The following CAPN9 variants were observed in gnomAD, a reference collection of about 807,000 sequenced individuals.
The protein encoded by CAPN9 is calpain 9.
In CAPN9, 81 loss-of-function variants were observed where a neutral mutation model predicts 92.8. That is an observed-to-expected ratio of 0.87 (90% CI 0.73 to 1.05). The LOEUF (loss-of-function observed/expected upper bound fraction) is 1.05. Among genes scored for constraint, CAPN9 ranks in the 50% least tolerant of loss-of-function variants. The pLI is 0.00. For synonymous variants in CAPN9, 304 were observed against 328.0 expected (o/e 0.93, Z 0.79); for missense variants, 848 against 866.2 (o/e 0.98, Z 0.26).
At chr1:230,755,449 C>T in intron 2 of CAPN9, 43 bp downstream of exon 2, 1 of 1,503,916 alleles carries the variant, frequency 6.6e-7, no homozygotes, top group Non-Finnish European at 9.1e-7. Flanking sequence ...GAGGTTGAGT[C>T]ACTGGGACAG....
intron 2 of CAPN9, among the ~76,000 whole-genome samples, chr1:230,758,586 G>A (rs1029101349): frequency 1.3e-5 from 2 of 152,140 alleles, no homozygotes; most frequent in African/African-American, 4.8e-5. Flanking sequence ...CAGCCCTGGC[G>A]AGTCTCTCTT....
chr1:230,778,903 A>C, intron 8 of CAPN9, 70 bp from the exon 9 acceptor site: 1 of 1,316,382 alleles, frequency 7.6e-7, no homozygotes, highest in East Asian at 2.4e-5. Flanking sequence ...GAATGATTTA[A>C]TGAATGAGTG....
intron 1 of CAPN9, among the ~76,000 whole-genome samples, chr1:230,749,434 G>A (rs183933693): frequency 1.3e-5 from 2 of 152,332 alleles, no homozygotes; most frequent in African/African-American, 4.8e-5. Context: ...GCTTATTTCC[G>A]GCCTCGGCGC....
intron 12 of CAPN9, among the ~76,000 whole-genome samples, chr1:230,787,086 C>G (rs1221910426): frequency 6.6e-6 from 1 of 152,340 alleles, no homozygotes; most frequent in Admixed American, 6.5e-5. Flanking sequence ...ATTTACTGAG[C>G]TCTTTCTATA....
At chr1:230,767,417 C>T (rs1666058777) in intron 4 of CAPN9, 124 bp from the exon 5 acceptor site, 2 of 755,426 alleles carry the variant, frequency 2.6e-6, no homozygotes, top group East Asian at 2.7e-5. Flanking sequence ...TCCTTCCACA[C>T]CACCCAGCCA....
intron 3 of CAPN9, 145 bp from the exon 4 acceptor site, chr1:230,762,508 C>A: frequency 1.1e-6 from 1 of 897,872 alleles, no homozygotes; most frequent in Non-Finnish European, 1.7e-6. Context: ...GGTGCCCTAC[C>A]TTGGAACCCG....
At chr1:230,769,390 T>C in intron 6 of CAPN9, 127 bp downstream of exon 6, 2 of 666,602 alleles carry the variant, frequency 3.0e-6, no homozygotes, top group Non-Finnish European at 5.0e-6. Context: ...TTATGTCACC[T>C]AAAGAGGCAG....
intron 8 of CAPN9, among the ~76,000 whole-genome samples, chr1:230,777,790 G>A (rs1433341797): frequency 3.9e-5 from 6 of 152,016 alleles, no homozygotes; most frequent in African/African-American, 9.7e-5. Flanking sequence ...GGGACCACAC[G>A]CCCTGGTGGT....
At chr1:230,761,555 A>AACACACACACACACACACAC (rs147168033) in intron 3 of CAPN9, among the ~76,000 whole-genome samples, 161 of 150,620 alleles carry the variant, frequency 1.1e-3, no homozygotes, top group African/African-American at 3.6e-3. Flanking sequence ...TCTTCCTTAA[A>AACACACACACACACACACAC]ACACACACAC....
intron 19 of CAPN9, among the ~76,000 whole-genome samples, chr1:230,799,469 G>C (rs1668544501): frequency 6.6e-6 from 1 of 152,154 alleles, no homozygotes; most frequent in South Asian, 2.1e-4. Flanking sequence ...ATTTCATTGA[G>C]CCAATTACGT....
chr1:230,774,779 T>C (rs1192558001), intron 8 of CAPN9, 148 bp downstream of exon 8: 18 of 617,490 alleles, frequency 2.9e-5, no homozygotes, highest in Middle Eastern at 4.3e-4. Context: ...TTTGTTCTTA[T>C]TGCCCAGGCT....
In CAPN9 at chr1:230,772,026, G is replaced by A. The variant is rs772083829; in HGVS notation, c.802G>A (p.Gly268Ser). The change falls in exon 7 of 20, where the codon GGC (glycine) becomes AGC (serine). Residue 268 changes from glycine to serine, a missense_variant. By Grantham distance (56) the Gly-to-Ser change is moderately conservative. Transcript: ENST00000271971. ...VTGIDQVSFR[G>S]QRIELIRIRN... ...TTTTCCCTTCTAGGTAAGCTTCCGA[G>A]GCCAGAGAATCGAGCTCATCCGAAT... The A allele has an allele frequency of 6.2e-6, 10 of 1,614,040 alleles. No homozygotes were observed. The African/African-American group carries it at 1.1e-4, about 17-fold the overall frequency.
intron 1 of CAPN9, chr1:230,752,645 C>T (rs1226301995): frequency 9.3e-5 from 92 of 984,514 alleles, no homozygotes; most frequent in Non-Finnish European, 1.1e-4. Flanking sequence ...GGGAACAGCC[C>T]TGCCCCAGGA....
intron 3 of CAPN9, among the ~76,000 whole-genome samples, chr1:230,761,919 T>C (rs1024341630): frequency 6.6e-6 from 1 of 152,184 alleles, no homozygotes; most frequent in African/African-American, 2.4e-5. Flanking sequence ...GTAGAAGCAC[T>C]TGCAAACACA....
intron 7 of CAPN9, 35 bp downstream of exon 7, chr1:230,772,134 CCGGGG>C (rs762036590): frequency 6.3e-7 from 1 of 1,576,456 alleles, no homozygotes; most frequent in South Asian, 1.1e-5. Flanking sequence ...TGGCTGGTTC[CCGGGG>C]CGTGTGGGGC....
chr1:230,789,103 C>G (rs1667800617), intron 13 of CAPN9, among the ~76,000 whole-genome samples: 1 of 152,110 alleles, frequency 6.6e-6, no homozygotes, highest in Non-Finnish European at 1.5e-5. Context: ...CCCCATTCCC[C>G]AGGCCCAGAG....
At chr1:230,747,914 G>A (rs1040146957) in intron 1 of CAPN9, among the ~76,000 whole-genome samples, 2 of 152,146 alleles carry the variant, frequency 1.3e-5, no homozygotes, top group Non-Finnish European at 2.9e-5. Context: ...GGGACCCGGG[G>A]CATCTGGTTG....
At chr1:230,750,229 C>A (rs1265598170) in intron 1 of CAPN9, among the ~76,000 whole-genome samples, 1 of 152,216 alleles carries the variant, frequency 6.6e-6, no homozygotes, top group Non-Finnish European at 1.5e-5. Flanking sequence ...CCAGCCCATG[C>A]CCCTGTACCA....
In CAPN9 at chr1:230,787,506, T is replaced by C. The variant is rs376472471; in HGVS notation, c.1519-16T>C. 1.0e-4 allele frequency: 168 copies of C among 1,609,740 alleles called. No individual in the cohort carries two copies. The highest frequency in any genetic ancestry group is 1.4e-4 in the Non-Finnish European group (164 of 1,176,326). On this transcript the variant is annotated splice_polypyrimidine_tract_variant and intron_variant, in intron 12 of 19. Coordinates refer to ENST00000271971, the MANE Select transcript of CAPN9 (RefSeq NM_006615.3). The stretch of plus-strand genomic sequence containing the variant: ...TTGTGGATCATTTTGTGCAAGTTTC[T>C]TTGGCTGTTTTTTAGCCTCCAAAGC...
Sources: gnomAD v4.1 joint callset for allele counts (sites outside exome capture counted in the v4.1 genomes callset) on GRCh38, gnomAD v4.1.1 for gene constraint, MANE v1.5 for transcripts, NCBI Gene and HGNC (gene_info 2026-07-23, HGNC 2026-07-21) for gene names.